The following VDR variants were observed in gnomAD, a reference collection of about 807,000 sequenced individuals.
VDR encodes the protein vitamin D receptor, also known as vitamin D3 receptor.
In VDR, 19 loss-of-function variants were observed where a neutral mutation model predicts 39.7. The ratio of observed to expected loss-of-function variants is 0.48; its 90% CI spans 0.33 to 0.70. The LOEUF (loss-of-function observed/expected upper bound fraction) is 0.70. Among genes scored for constraint, VDR ranks in the 30% least tolerant of loss-of-function variants. The pLI is 0.02. For synonymous variants in VDR, 242 were observed against 215.8 expected (o/e 1.12, Z -1.07); for missense variants, 442 against 570.5 (o/e 0.77, Z 2.29).
intron 1 of VDR, among the ~76,000 whole-genome samples, chr12:47,891,629 C>T (rs1373529801): frequency 6.6e-6 from 1 of 152,212 alleles, no homozygotes. Flanking sequence ...TCTCTCCTAA[C>T]AGTCAGAGAA....
At chr12:47,903,098 C>A (rs1430889884) in intron 1 of VDR, among the ~76,000 whole-genome samples, 1 of 152,258 alleles carries the variant, frequency 6.6e-6, no homozygotes, top group African/African-American at 2.4e-5. Flanking sequence ...ATGGCCTCTG[C>A]CGAAGAGGAG....
intron 1 of VDR, 79 bp from the exon 2 acceptor site, chr12:47,882,853 G>A (rs1252278007): frequency 6.7e-6 from 8 of 1,195,240 alleles, no homozygotes; most frequent in African/African-American, 3.1e-5. Context: ...GTGGGCACGA[G>A]AGGCTCTTTC....
chr12:47,850,111 CA>C (rs1200781201), intron 7 of VDR, among the ~76,000 whole-genome samples: 1 of 152,208 alleles, frequency 6.6e-6, no homozygotes, highest in Non-Finnish European at 1.5e-5. Context: ...CTTGGCCTCC[CA>C]AAGTTCTGGG....
At chr12:47,882,621 A>G in intron 2 of VDR, 73 bp downstream of exon 2, 2 of 612,828 alleles carry the variant, frequency 3.3e-6, no homozygotes, top group Admixed American at 2.7e-5. Flanking sequence ...CCACCTTCTT[A>G]TGCCCCTCCC....
chr12:47,901,201 G>A (rs1592159853), intron 1 of VDR: 1 of 155,328 alleles, frequency 6.4e-6, no homozygotes, highest in Middle Eastern at 5.2e-4. Context: ...TCCTGGCAGA[G>A]TAACTGAGAG....
In VDR at chr12:47,890,293, C is replaced by T. The variant is rs572907725; in HGVS notation, c.-83-7519G>A. 3.0e-4 allele frequency among the ~76,000 whole-genome samples: 45 copies of T among 149,792 alleles called. No homozygotes were observed. The Middle Eastern group carries it at 0.014, about 47-fold the overall frequency. On this transcript the variant is annotated intron_variant, in intron 1 of 9. Transcript: ENST00000549336. Reference sequence around the variant, plus strand: ...ACATGAGGGACTATTTCAACTGCCACGAGAAACCCCAGAAAGGTTATTGTT... The same window carrying T: ...ACATGAGGGACTATTTCAACTGCCATGAGAAACCCCAGAAAGGTTATTGTT...
intron 4 of VDR, among the ~76,000 whole-genome samples, chr12:47,861,764 T>C (rs1181954851): frequency 6.6e-6 from 1 of 152,246 alleles, no homozygotes; most frequent in African/African-American, 2.4e-5. Flanking sequence ...TTAAGCTCCT[T>C]GCTGAGTGTG....
rs753383761 is a variant in VDR, at chr12:47,865,124, C to T, written c.200G>A (p.Arg67His). ...LFTCPFNGDC[R>H]ITKDNRRHCQ... ...GTGGCGTCGGTTGTCCTTGGTGATGCGGCAGTCCCCGTTGAAGGGGCAGGT... is the reference window on the plus strand; with the variant it reads ...GTGGCGTCGGTTGTCCTTGGTGATGTGGCAGTCCCCGTTGAAGGGGCAGGT... Residue 67 changes from arginine (R) to histidine (H), a missense_variant, in exon 4 of 10, where the codon CGC becomes CAC. By Grantham distance (29) the Arg-to-His change is conservative. Coordinates refer to ENST00000549336, the MANE Select transcript of VDR (RefSeq NM_000376.3). 2.2e-5 allele frequency: 36 copies of T among 1,613,710 alleles called. No homozygotes were observed. The highest frequency in any genetic ancestry group is 2.8e-5 in the Non-Finnish European group (33 of 1,179,764).
At position 47,882,873 on chromosome 12, in the gene VDR, T is replaced by C. The variant is rs541214007; in HGVS notation, c.-83-99A>G. On this transcript the variant is annotated intron_variant, in intron 1 of 9. Coordinates refer to ENST00000549336, the MANE Select transcript of VDR (RefSeq NM_000376.3). ...CACGAGAGGCTCTTTCCAGGGACTT[T>C]AGTCCCCAGATCAGTGACTGCAAAC... 5.5e-6 allele frequency: 5 copies of C among 907,210 alleles called. No individual in the cohort carries two copies. In the African/African-American group the frequency reaches 6.8e-5, roughly 12 times the overall value. The allele number at this position is 907,210 out of a possible 1,614,324, so 56.2% of individuals were successfully genotyped here.
intron 2 of VDR, among the ~76,000 whole-genome samples, chr12:47,882,267 G>A (rs182193776): frequency 3.7e-4 from 56 of 152,226 alleles, no homozygotes; most frequent in African/African-American, 1.3e-3. Context: ...ACCCAACCCT[G>A]CTTGAGGTTA....
intron 4 of VDR, among the ~76,000 whole-genome samples, chr12:47,859,873 C>A (rs1042610038): frequency 6.7e-5 from 2 of 29,808 alleles, no homozygotes; most frequent in Admixed American, 2.0e-4. Flanking sequence ...TTCTTTCCTT[C>A]CTTCCTTCCT....
intron 2 of VDR, among the ~76,000 whole-genome samples, chr12:47,879,751 T>C (rs761665456): frequency 2.6e-5 from 4 of 152,192 alleles, no homozygotes; most frequent in Non-Finnish European, 4.4e-5. Context: ...AATCAACATT[T>C]CAAGATATTT....
intron 7 of VDR, among the ~76,000 whole-genome samples, chr12:47,852,157 G>A (rs377482238): frequency 2.6e-5 from 4 of 152,178 alleles, no homozygotes; most frequent in Non-Finnish European, 5.9e-5. Flanking sequence ...CAGCTTTCCC[G>A]TGTATGCAAT....
At chr12:47,865,601 T>C (rs978755727) in intron 3 of VDR, among the ~76,000 whole-genome samples, 1 of 151,656 alleles carries the variant, frequency 6.6e-6, no homozygotes, top group South Asian at 2.1e-4. Flanking sequence ...TTTGTAAAAA[T>C]GGGGTCTCAC....
intron 4 of VDR, among the ~76,000 whole-genome samples, chr12:47,859,905 CCTTCCTTCCTTCTTTCTT>C (rs879369184): frequency 0.058 from 2,714 of 46,612 alleles, 202 homozygotes; most frequent in South Asian, 0.089. Flanking sequence ...TTCCTTCCTT[CCTTCCTTCCTTCTTTCTT>C]TTTCTTTCTT....
In VDR at chr12:47,882,702, G is replaced by A; in HGVS notation, c.-11C>T. 1.3e-6 allele frequency: 2 copies of A among 1,518,228 alleles called. No homozygotes were observed. The highest frequency in any genetic ancestry group is 2.0e-5 in the Admixed American group (1 of 49,750). The allele number at this position is 1,518,228 out of a possible 1,614,324, so 94.0% of individuals were successfully genotyped here. A position where few individuals can be genotyped will look rare whatever the true frequency, so the allele number is the denominator to read the frequency against. ...GATGAGGAAACACCTACCTGAAGGA[G>A]CAGGGGGCAGGTAAGTGGAGCCCAG... On this transcript the variant is annotated 5_prime_UTR_variant, in exon 2 of 10. Transcript: ENST00000549336.
intron 3 of VDR, among the ~76,000 whole-genome samples, chr12:47,871,294 C>CTTTCTTTA (rs1945857816): frequency 2.2e-5 from 2 of 90,538 alleles, no homozygotes; most frequent in African/African-American, 8.8e-5. Flanking sequence ...TTCTCTTTCT[C>CTTTCTTTA]TTTCTTTCTT....
In VDR at chr12:47,860,130, A is replaced by T. The variant is rs1026960125; in HGVS notation, c.278-2442T>A. ...AGGCACATGCCACCATGCCTGGCCA[A>T]TTTTTTTGTATTTTTAGTAGAGATG... is the stretch of plus-strand genomic sequence containing the variant. On this transcript the variant is annotated intron_variant, in intron 4 of 9. Coordinates refer to ENST00000549336, the MANE Select transcript of VDR (RefSeq NM_000376.3). Among the ~76,000 whole-genome samples the T allele has an allele frequency of 2.6e-5, 4 of 151,804 alleles. No homozygotes were observed. In the East Asian group the frequency reaches 5.8e-4, roughly 22 times the overall value.
intron 2 of VDR, among the ~76,000 whole-genome samples, chr12:47,879,477 C>G (rs577897300): frequency 1.3e-5 from 2 of 152,308 alleles, no homozygotes; most frequent in South Asian, 4.1e-4. Context: ...TGAACCCATT[C>G]ATGCTACTGG....
Sources: gnomAD v4.1 joint callset for allele counts (sites outside exome capture counted in the v4.1 genomes callset) on GRCh38, gnomAD v4.1.1 for gene constraint, MANE v1.5 for transcripts, NCBI Gene and HGNC (gene_info 2026-07-23, HGNC 2026-07-21) for gene names.